The following HS3ST5 variants were observed in gnomAD, a reference collection of about 807,000 sequenced individuals.
HS3ST5 encodes the protein heparan sulfate glucosamine 3-O-sulfotransferase 5.
HS3ST5 carries 10 observed loss-of-function variants against 25.4 expected under a neutral mutation model. That is an observed-to-expected ratio of 0.39 (90% CI 0.24 to 0.67). The LOEUF is 0.67. Among genes scored for constraint, HS3ST5 ranks in the 30% least tolerant of loss-of-function variants. The pLI is 0.44. For missense variants in HS3ST5, 324 were observed against 420.7 expected (o/e 0.77, Z 2.01); for synonymous variants, 170 against 162.4 (o/e 1.05, Z -0.36).
At chr6:114,084,044 C>CT (rs981772258) in intron 3 of HS3ST5, 19 of 550,046 alleles carry the variant, frequency 3.5e-5, no homozygotes, top group African/African-American at 2.6e-4. Flanking sequence ...AACACTTGGT[C>CT]TTTTTTTATG....
chr6:114,216,023 G>A (rs1413100486), intron 2 of HS3ST5, among the ~76,000 whole-genome samples: 2 of 152,146 alleles, frequency 1.3e-5, no homozygotes, highest in Non-Finnish European at 2.9e-5. Context: ...CATCTGACAG[G>A]ATCAAGGACA....
chr6:114,250,735 A>G (rs982734737), intron 1 of HS3ST5, among the ~76,000 whole-genome samples: 13 of 152,248 alleles, frequency 8.5e-5, no homozygotes, highest in African/African-American at 3.1e-4. Context: ...TATTCATACT[A>G]TCAGCTATAA....
chr6:114,341,158 A>G (rs1776815856), intron 1 of HS3ST5, among the ~76,000 whole-genome samples: 1 of 105,942 alleles, frequency 9.4e-6, no homozygotes, highest in Non-Finnish European at 1.9e-5. Flanking sequence ...AGAGGGGGAG[A>G]GAGGGGAGGG....
chr6:114,084,526 G>A (rs112001782), intron 3 of HS3ST5: 17 of 758,938 alleles, frequency 2.2e-5, no homozygotes, highest in East Asian at 4.9e-5. Flanking sequence ...CCGAGCCGGC[G>A]TCCACCGCAT....
intron 3 of HS3ST5, among the ~76,000 whole-genome samples, chr6:114,098,524 C>T (rs1775560140): frequency 6.8e-6 from 1 of 147,764 alleles, no homozygotes; most frequent in Non-Finnish European, 1.5e-5. Flanking sequence ...ATATATTTAT[C>T]ACTATCAAAT....
At chr6:114,074,086 C>G (rs2114741319) in intron 3 of HS3ST5, among the ~76,000 whole-genome samples, 1 of 151,898 alleles carries the variant, frequency 6.6e-6, no homozygotes, top group South Asian at 2.1e-4. Flanking sequence ...TAAGTGGGAG[C>G]TGAACAATGA....
chr6:114,120,421 A>T (rs17191460), intron 3 of HS3ST5, among the ~76,000 whole-genome samples: 13,837 of 152,228 alleles, frequency 0.091, 653 homozygotes, highest in East Asian at 0.13. Context: ...CAATGTCTGT[A>T]TTCTTTCAAC....
Position 114,147,029 on chromosome 6 carries a change from CCTTT to C in HS3ST5, c.-33+21318_-33+21321del, listed in dbSNP as rs368464363. 3.5e-3 allele frequency among the ~76,000 whole-genome samples: 539 copies of C among 152,200 alleles called. 1 individual carries two copies. The highest frequency in any genetic ancestry group is 0.012 in the African/African-American group (518 of 41,518). ...TGGATCAGGGACTACTATGTGTTTC[CCTTT>C]CTTTCTTTTCTGAATGGGAGATTAT... On this transcript the variant is annotated intron_variant, in intron 3 of 4. Transcript: ENST00000312719.
At chr6:114,323,771 G>C (rs1265456121) in intron 1 of HS3ST5, among the ~76,000 whole-genome samples, 1 of 152,096 alleles carries the variant, frequency 6.6e-6, no homozygotes, top group Non-Finnish European at 1.5e-5. Flanking sequence ...AGTATACAGA[G>C]TTATCCGGGG....
intron 3 of HS3ST5, among the ~76,000 whole-genome samples, chr6:114,105,756 C>T (rs978926877): frequency 1.1e-4 from 16 of 152,220 alleles, no homozygotes; most frequent in Admixed American, 4.6e-4. Context: ...TGTCAATAAA[C>T]GTTTCTACAT....
intron 1 of HS3ST5, among the ~76,000 whole-genome samples, chr6:114,322,857 A>C (rs1038284508): frequency 1.3e-5 from 2 of 152,206 alleles, no homozygotes; most frequent in Non-Finnish European, 2.9e-5. Context: ...CGGGGGTAGG[A>C]AAATTATATT....
intron 3 of HS3ST5, among the ~76,000 whole-genome samples, chr6:114,125,252 G>A (rs763067091): frequency 6.6e-6 from 1 of 151,990 alleles, no homozygotes; most frequent in Non-Finnish European, 1.5e-5. Context: ...TTTCAATTAG[G>A]AAAAGCATAT....
At chr6:114,235,260 T>G (rs918195929) in intron 1 of HS3ST5, among the ~76,000 whole-genome samples, 1 of 152,168 alleles carries the variant, frequency 6.6e-6, no homozygotes, top group Non-Finnish European at 1.5e-5. Context: ...TTTAAATTAA[T>G]CTCTAGTTCA....
At chr6:114,147,110 A>T (rs1392344147) in intron 3 of HS3ST5, among the ~76,000 whole-genome samples, 1 of 152,224 alleles carries the variant, frequency 6.6e-6, no homozygotes, top group African/African-American at 2.4e-5. Context: ...CTCTGTGGGC[A>T]AAGTCAAGAA....
chr6:114,216,896 G>A (rs1781793895), intron 2 of HS3ST5, among the ~76,000 whole-genome samples: 1 of 152,124 alleles, frequency 6.6e-6, no homozygotes, highest in South Asian at 2.1e-4. Context: ...GAAAGTTTGG[G>A]TTATTTCAGG....
At chr6:114,064,281 C>G (rs1238757338) in intron 3 of HS3ST5, among the ~76,000 whole-genome samples, 3 of 152,058 alleles carry the variant, frequency 2.0e-5, no homozygotes. Flanking sequence ...ACTGAATTCC[C>G]AAAGCATTTT....
intron 2 of HS3ST5, among the ~76,000 whole-genome samples, chr6:114,210,758 T>C (rs975302754): frequency 5.9e-5 from 9 of 152,246 alleles, no homozygotes; most frequent in Non-Finnish European, 1.2e-4. Context: ...CAGGGACAAC[T>C]GCTACTTGCC....
chr6:114,084,529 C>T (rs1774672300), intron 3 of HS3ST5: 2 of 759,414 alleles, frequency 2.6e-6, no homozygotes, highest in East Asian at 2.4e-5. Flanking sequence ...AGCCGGCGTC[C>T]ACCGCATCAC....
At chr6:114,238,833 T>C (rs942897734) in intron 1 of HS3ST5, among the ~76,000 whole-genome samples, 1 of 152,210 alleles carries the variant, frequency 6.6e-6, no homozygotes, top group African/African-American at 2.4e-5. Context: ...TTATTCTACA[T>C]AATGTTGTTT....
Sources: allele counts gnomAD v4.1 joint callset (sites outside exome capture counted in the v4.1 genomes callset), GRCh38; gene constraint gnomAD v4.1.1; transcripts MANE v1.5; gene names NCBI Gene and HGNC (gene_info 2026-07-23, HGNC 2026-07-21).